Variants in PDE4B observed in about 807,000 individuals in gnomAD.
The protein encoded by PDE4B is 3',5'-cyclic-AMP phosphodiesterase 4B.
PDE4B carries 20 observed loss-of-function variants against 82.2 expected under a neutral mutation model. The ratio of observed to expected loss-of-function variants is 0.24; its 90% CI spans 0.17 to 0.35. The LOEUF (loss-of-function observed/expected upper bound fraction) is 0.35. PDE4B is among the 10% of genes least tolerant of loss of function. The pLI is 1.00. For missense variants in PDE4B, 655 were observed against 907.2 expected (o/e 0.72, Z 3.57); for synonymous variants, 320 against 318.9 (o/e 1.00, Z -0.04).
intron 1 of PDE4B, among the ~76,000 whole-genome samples, chr1:65,902,579 T>C (rs1322107587): frequency 1.3e-5 from 2 of 152,156 alleles, no homozygotes; most frequent in South Asian, 2.1e-4. Context: ...ATCTCTGTCA[T>C]ATAACTGATT....
At chr1:66,326,363 CCTT>C (rs1488930169) in intron 7 of PDE4B, among the ~76,000 whole-genome samples, 4 of 152,154 alleles carry the variant, frequency 2.6e-5, no homozygotes, top group Non-Finnish European at 5.9e-5. Flanking sequence ...TATAGAAAGC[CCTT>C]CAAGTCCCTC....
At position 66,372,523 on chromosome 1, in the gene PDE4B, G is replaced by A. The variant is rs748558938; in HGVS notation, c.2056G>A (p.Glu686Lys). The A allele has an allele frequency of 6.2e-6, 10 of 1,614,034 alleles. No individual in the cohort carries two copies. The Admixed American group carries it at 6.7e-5, about 11-fold the overall frequency. ...EKFQFELTLD[E>K]EDSEGPEKEG... ...GTTTCAGTTTGAACTGACTCTCGATGAGGAAGATTCTGAAGGACCTGAGAA... is the reference window on the plus strand; with the variant it reads ...GTTTCAGTTTGAACTGACTCTCGATAAGGAAGATTCTGAAGGACCTGAGAA... The change falls in exon 17 of 17, where the codon GAG (glutamate) becomes AAG (lysine). Residue 686 changes from glutamate (E) to lysine (K), a missense_variant. Coordinates refer to ENST00000341517, the MANE Select transcript of PDE4B (RefSeq NM_002600.4).
intron 3 of PDE4B, among the ~76,000 whole-genome samples, chr1:66,139,835 T>G (rs1251314878): frequency 6.6e-6 from 1 of 151,884 alleles, no homozygotes; most frequent in Admixed American, 6.6e-5. Flanking sequence ...CCAGCTCTAG[T>G]CAGAGAAGAG....
rs199980137 is a variant in PDE4B at position 65,941,034 on chromosome 1, G to T, written c.281+22199G>T. 3.9e-5 allele frequency among the ~76,000 whole-genome samples: 6 copies of T among 152,050 alleles called. No individual in the cohort carries two copies. In the East Asian group the frequency reaches 1.2e-3, roughly 30 times the overall value. ...GCTTCAGAACTTTAAAAAATATAAT[G>T]TTGCAGATAAAGTTAAAGGATGAGA... On this transcript the variant is annotated intron_variant, in intron 3 of 16. Transcript: ENST00000341517.
At chr1:66,045,412 A>G (rs929822117) in intron 3 of PDE4B, among the ~76,000 whole-genome samples, 2 of 151,734 alleles carry the variant, frequency 1.3e-5, no homozygotes, top group East Asian at 3.9e-4. Flanking sequence ...CCCTTAACTC[A>G]AAGTTAGAAA....
chr1:65,892,173 A>C (rs1008883831), intron 1 of PDE4B, among the ~76,000 whole-genome samples: 1 of 152,056 alleles, frequency 6.6e-6, no homozygotes, highest in Non-Finnish European at 1.5e-5. Flanking sequence ...TAATCCTCTA[A>C]TTTTACTGGT....
intron 4 of PDE4B, 194 bp from the exon 5 acceptor site, chr1:66,257,453 T>G: frequency 1.3e-6 from 1 of 767,238 alleles, no homozygotes; most frequent in Non-Finnish European, 2.4e-6. Flanking sequence ...GTCATGAATC[T>G]AGTACTAATT....
At chr1:66,367,534 T>C (rs1408568993) in intron 13 of PDE4B, 162 bp from the exon 14 acceptor site, 1 of 575,714 alleles carries the variant, frequency 1.7e-6, no homozygotes, top group Non-Finnish European at 3.0e-6. Flanking sequence ...ACTGATGACT[T>C]CTGTTTGTAG....
intron 3 of PDE4B, among the ~76,000 whole-genome samples, chr1:66,008,647 G>T (rs1488638863): frequency 6.6e-6 from 1 of 151,952 alleles, no homozygotes; most frequent in South Asian, 2.1e-4. Context: ...CCAAATAATT[G>T]TACTGCTCTA....
At chr1:66,122,037 A>G (rs950609725) in intron 3 of PDE4B, among the ~76,000 whole-genome samples, 3 of 149,494 alleles carry the variant, frequency 2.0e-5, no homozygotes, top group Non-Finnish European at 4.4e-5. Flanking sequence ...TTTCTCCCTC[A>G]CTGCTTCCTT....
At chr1:66,068,328 A>G (rs1451950402) in intron 3 of PDE4B, among the ~76,000 whole-genome samples, 2 of 151,924 alleles carry the variant, frequency 1.3e-5, no homozygotes, top group African/African-American at 4.8e-5. Flanking sequence ...AAGAGAAAAA[A>G]CTTCCTTGGA....
intron 3 of PDE4B, among the ~76,000 whole-genome samples, chr1:65,974,174 T>A (rs1299186768): frequency 3.3e-5 from 5 of 152,196 alleles, no homozygotes; most frequent in Non-Finnish European, 5.9e-5. Flanking sequence ...CTTTTCCAAT[T>A]TCTACTTAGA....
At chr1:65,821,536 C>G (rs1263139026) in intron 1 of PDE4B, among the ~76,000 whole-genome samples, 4 of 152,164 alleles carry the variant, frequency 2.6e-5, no homozygotes, top group Non-Finnish European at 5.9e-5. Flanking sequence ...TTCTCTATTT[C>G]ATGAAAACTA....
chr1:66,255,927 G>A (rs940514268), intron 4 of PDE4B, among the ~76,000 whole-genome samples: 4 of 152,224 alleles, frequency 2.6e-5, no homozygotes, highest in African/African-American at 9.6e-5. Context: ...GCACTTGGGA[G>A]GCCAAAGTGG....
In PDE4B at chr1:65,877,780, C is replaced by T. The variant is rs1253753948; in HGVS notation, c.-70-35465C>T. ...AACATAAAACCTAAAACCATAAAAA[C>T]CCTAGAAGAAAACCTAGGTAATACC... On this transcript the variant is annotated intron_variant, in intron 1 of 16. Transcript: ENST00000341517. Among the ~76,000 whole-genome samples, 5 of 151,820 alleles carry T rather than the reference C, an allele frequency of 3.3e-5. No individual in the cohort carries two copies. The East Asian group carries it at 9.6e-4, about 29-fold the overall frequency.
intron 3 of PDE4B, among the ~76,000 whole-genome samples, chr1:66,023,196 C>G (rs543498807): frequency 6.6e-6 from 1 of 152,210 alleles, no homozygotes; most frequent in African/African-American, 2.4e-5. Flanking sequence ...CCTGGTGGAT[C>G]TAAAAGGTAG....
intron 3 of PDE4B, among the ~76,000 whole-genome samples, chr1:65,926,940 C>A (rs1647536428): frequency 6.6e-6 from 1 of 151,940 alleles, no homozygotes; most frequent in Non-Finnish European, 1.5e-5. Flanking sequence ...ACCATGAAAG[C>A]AAGAAGAGAG....
At chr1:66,228,000 C>T (rs1651593259) in intron 3 of PDE4B, among the ~76,000 whole-genome samples, 1 of 152,144 alleles carries the variant, frequency 6.6e-6, no homozygotes, top group African/African-American at 2.4e-5. Flanking sequence ...CATGGTACCC[C>T]ACTCTCATTT....
Position 66,326,699 on chromosome 1 carries a change from G to T in PDE4B, c.635-5809G>T, listed in dbSNP as rs562163058. Among the ~76,000 whole-genome samples, 5 of 152,296 alleles carry T rather than the reference G, an allele frequency of 3.3e-5. No individual in the cohort carries two copies. In the South Asian group the frequency reaches 1.0e-3, roughly 32 times the overall value. ...TGCTTTCTGTGGATAGAAAGTGTGG[G>T]TGACTTGACAGATAAGTTTCTGATA... On this transcript the variant is annotated intron_variant, in intron 7 of 16. Coordinates refer to ENST00000341517, the MANE Select transcript of PDE4B (RefSeq NM_002600.4).
Sources: gnomAD v4.1 joint callset for allele counts (sites outside exome capture counted in the v4.1 genomes callset) on GRCh38, gnomAD v4.1.1 for gene constraint, MANE v1.5 for transcripts, NCBI Gene and HGNC (gene_info 2026-07-23, HGNC 2026-07-21) for gene names.